The following CSMD1 variants were observed in gnomAD, a reference collection of about 807,000 sequenced individuals.
CSMD1 encodes CUB and Sushi multiple domains 1.
In CSMD1, 213 loss-of-function variants were observed where a neutral mutation model predicts 417.5. The ratio of observed to expected loss-of-function variants is 0.51; its 90% CI spans 0.46 to 0.57. CSMD1 has a LOEUF of 0.57. CSMD1 is among the 20% of genes least tolerant of loss of function. The probability of loss-of-function intolerance (pLI) is 0.00; values close to 1 mark genes in which losing one functional copy is unlikely to be tolerated. For missense variants in CSMD1, 6,923 were observed against 4,529.7 expected, an observed-to-expected ratio of 1.53 and a Z score of -15.17; for synonymous variants, 2,862 against 1,736.8, an observed-to-expected ratio of 1.65 and a Z score of -16.11.
Position 4,528,789 on chromosome 8 carries a change from C to G in CSMD1, c.302+108553G>C, listed in dbSNP as rs531808771. Reference sequence around the variant, plus strand: ...TCACATAAGAGCTCACTTTCTCTCTCTCTCTCTCTCTCTCTCATACACACA... The same window carrying G: ...TCACATAAGAGCTCACTTTCTCTCTGTCTCTCTCTCTCTCTCATACACACA... On this transcript the variant is annotated intron_variant, in intron 2 of 69. Transcript: ENST00000635120. 7.2e-5 allele frequency among the ~76,000 whole-genome samples: 11 copies of G among 151,814 alleles called. No individual in the cohort carries two copies. The South Asian group carries it at 2.1e-3, about 29-fold the overall frequency.
intron 3 of CSMD1, among the ~76,000 whole-genome samples, chr8:4,172,611 G>T (rs1307568247): frequency 6.6e-6 from 1 of 152,158 alleles, no homozygotes; most frequent in Non-Finnish European, 1.5e-5. Context: ...TAAGCTCATG[G>T]AACCCACCCT....
chr8:3,756,462 A>G (rs1399570950), intron 5 of CSMD1, among the ~76,000 whole-genome samples: 2 of 152,204 alleles, frequency 1.3e-5, no homozygotes, highest in African/African-American at 4.8e-5. Flanking sequence ...AGAAAATTTA[A>G]AAACTACAAA....
chr8:3,813,653 C>G (rs1405219296), intron 5 of CSMD1, among the ~76,000 whole-genome samples: 1 of 152,040 alleles, frequency 6.6e-6, no homozygotes, highest in Non-Finnish European at 1.5e-5. Flanking sequence ...GTTAATTATA[C>G]AAAATTATTT....
intron 2 of CSMD1, among the ~76,000 whole-genome samples, chr8:4,458,037 T>C (rs79316211): frequency 0.074 from 11,213 of 152,188 alleles, 1,162 homozygotes; most frequent in African/African-American, 0.23. Flanking sequence ...CTCTATTCTT[T>C]AAAATTCCTT....
chr8:4,587,626 C>G (rs902380124), intron 2 of CSMD1, among the ~76,000 whole-genome samples: 1 of 152,116 alleles, frequency 6.6e-6, no homozygotes, highest in South Asian at 2.1e-4. Flanking sequence ...TGTACTCAGA[C>G]TCATGATCAC....
chr8:3,568,477 A>T (rs1799811216), intron 10 of CSMD1, among the ~76,000 whole-genome samples: 1 of 152,194 alleles, frequency 6.6e-6, no homozygotes, highest in African/African-American at 2.4e-5. Flanking sequence ...TGAGTTTTTT[A>T]AATCCTCAGA....
chr8:4,173,392 G>C (rs1009996101), intron 3 of CSMD1, among the ~76,000 whole-genome samples: 2 of 152,128 alleles, frequency 1.3e-5, no homozygotes, highest in African/African-American at 2.4e-5. Flanking sequence ...GGCATAAAGA[G>C]AAGTTTGCAT....
At chr8:4,075,657 G>T (rs922655701) in intron 3 of CSMD1, among the ~76,000 whole-genome samples, 1 of 152,154 alleles carries the variant, frequency 6.6e-6, no homozygotes, top group African/African-American at 2.4e-5. Context: ...AAATTGTCTT[G>T]ATTTGTGAGA....
intron 3 of CSMD1, among the ~76,000 whole-genome samples, chr8:4,176,056 A>T (rs1039862935): frequency 6.6e-6 from 1 of 152,074 alleles, no homozygotes; most frequent in Non-Finnish European, 1.5e-5. Flanking sequence ...GGAGCAGAAA[A>T]GTGTGACTTA....
intron 54 of CSMD1, among the ~76,000 whole-genome samples, chr8:2,996,594 C>A (rs940372322): frequency 9.9e-5 from 15 of 152,230 alleles, no homozygotes; most frequent in Non-Finnish European, 2.2e-4. Context: ...CTCTCTTGAG[C>A]TCCAGAGCAT....
chr8:3,150,236 C>A (rs1819110024), intron 40 of CSMD1, among the ~76,000 whole-genome samples: 1 of 152,196 alleles, frequency 6.6e-6, no homozygotes, highest in Admixed American at 6.5e-5. Context: ...AATAATCCTT[C>A]CACAGAGTCT....
At chr8:4,036,374 A>G (rs1159916332) in intron 3 of CSMD1, among the ~76,000 whole-genome samples, 1 of 152,202 alleles carries the variant, frequency 6.6e-6, no homozygotes, top group African/African-American at 2.4e-5. Flanking sequence ...GGTACTGCGC[A>G]ATGGTATTTT....
intron 3 of CSMD1, among the ~76,000 whole-genome samples, chr8:4,067,385 G>T (rs1450277328): frequency 6.6e-6 from 1 of 152,120 alleles, no homozygotes; most frequent in African/African-American, 2.4e-5. Context: ...ACTGGATTTT[G>T]GTAGAAAAAC....
chr8:2,998,863 T>A lies in CSMD1; in HGVS notation c.8204-679A>T, dbSNP rs148428578. 3.0e-4 allele frequency among the ~76,000 whole-genome samples: 45 copies of A among 152,332 alleles called. No homozygotes were observed. In the East Asian group the frequency reaches 8.3e-3, roughly 28 times the overall value. On this transcript the variant is annotated intron_variant, in intron 53 of 69. Coordinates refer to ENST00000635120, the MANE Select transcript of CSMD1 (RefSeq NM_033225.6). Reference sequence around the variant, plus strand: ...AAACTGGTGTTTTCTTCCTCATTTATCTTGTCAACAATTTTTTTCCTATAA... The same window carrying A: ...AAACTGGTGTTTTCTTCCTCATTTAACTTGTCAACAATTTTTTTCCTATAA...
chr8:4,333,574 G>T (rs942072937), intron 3 of CSMD1, among the ~76,000 whole-genome samples: 2 of 152,150 alleles, frequency 1.3e-5, no homozygotes, highest in Admixed American at 6.6e-5. Context: ...TGCAATATGC[G>T]TTAGTTATTA....
chr8:4,589,201 C>T (rs1299921737), intron 2 of CSMD1, among the ~76,000 whole-genome samples: 1 of 152,078 alleles, frequency 6.6e-6, no homozygotes, highest in African/African-American at 2.4e-5. Flanking sequence ...AGAGCCTTAT[C>T]AGAGTTATGT....
At chr8:4,089,280 G>A (rs988904092) in intron 3 of CSMD1, among the ~76,000 whole-genome samples, 2 of 152,174 alleles carry the variant, frequency 1.3e-5, no homozygotes, top group African/African-American at 2.4e-5. Context: ...AATTAGTGGG[G>A]TGCCTGCCAA....
chr8:4,313,993 A>T (rs1798776988), intron 3 of CSMD1, among the ~76,000 whole-genome samples: 1 of 151,590 alleles, frequency 6.6e-6, no homozygotes, highest in Admixed American at 6.6e-5. Flanking sequence ...CAGCCTGGGC[A>T]ACAAAGTGAG....
chr8:2,966,619 C>A lies in CSMD1; in HGVS notation c.9051G>T (p.Arg3017=), dbSNP rs567795988. ...EGYKTSGLMT[R]HCTANGTWTG... is the part of the protein sequence containing the mutation. ...TCCAGGTCCCATTGGCTGTGCAATG[C>A]CGTGTCATGAGCCCTGAGGTCTTGT... is the stretch of plus-strand genomic sequence containing the variant. The change falls in exon 58 of 70, where the codon CGG becomes CGT. Residue 3017 remains arginine (R), a synonymous_variant. Coordinates refer to ENST00000635120, the MANE Select transcript of CSMD1 (RefSeq NM_033225.6). 3 of 1,613,694 alleles carry A rather than the reference C, an allele frequency of 1.9e-6. No homozygotes were observed. Among genetic ancestry groups the A allele is most frequent in the East Asian group, 4.5e-5 (2 of 44,846 alleles).
Sources: allele counts gnomAD v4.1 joint callset (sites outside exome capture counted in the v4.1 genomes callset), GRCh38; gene constraint gnomAD v4.1.1; transcripts MANE v1.5; gene names NCBI Gene and HGNC (gene_info 2026-07-23, HGNC 2026-07-21).